LTBP1: variants seen among roughly 807,000 people sequenced by gnomAD.
LTBP1 encodes the protein latent transforming growth factor beta binding protein 1, also known as latent-transforming growth factor beta-binding protein 1.
A neutral mutation model predicts 207.6 loss-of-function variants in LTBP1; 129 were observed. The ratio of observed to expected loss-of-function variants is 0.62; its 90% CI spans 0.54 to 0.72. The LOEUF (loss-of-function observed/expected upper bound fraction) is 0.72. Ranked by LOEUF, LTBP1 falls within the 30% of genes least tolerant of loss-of-function variation. LTBP1 has a pLI of 0.00. For missense variants in LTBP1, 2,281 were observed against 2,217.2 expected, an observed-to-expected ratio of 1.03 and a Z score of -0.58; for synonymous variants, 963 against 833.7, an observed-to-expected ratio of 1.16 and a Z score of -2.67.
At chr2:33,056,474 G>T (rs890535603) in intron 3 of LTBP1, 2 of 852,364 alleles carry the variant, frequency 2.3e-6, no homozygotes, top group Admixed American at 5.0e-5. Context: ...CCAGCTGGAG[G>T]TGATGAGGGA....
chr2:33,231,477 T>A (rs1285110356), intron 9 of LTBP1, among the ~76,000 whole-genome samples: 1 of 152,168 alleles, frequency 6.6e-6, no homozygotes, highest in Non-Finnish European at 1.5e-5. Flanking sequence ...ACAGTCTTGA[T>A]CAATATTCTG....
At chr2:33,084,582 C>A (rs889276111) in intron 3 of LTBP1, among the ~76,000 whole-genome samples, 3 of 152,128 alleles carry the variant, frequency 2.0e-5, no homozygotes, top group African/African-American at 7.2e-5. Flanking sequence ...ACATACAAAG[C>A]AAGGTTACAT....
chr2:33,303,715 G>T (rs1240111628), intron 22 of LTBP1, among the ~76,000 whole-genome samples: 1 of 152,084 alleles, frequency 6.6e-6, no homozygotes, highest in Non-Finnish European at 1.5e-5. Flanking sequence ...TTCACAAGAG[G>T]GTTCGCCCTC....
At chr2:33,092,175 G>A (rs559131947) in intron 3 of LTBP1, among the ~76,000 whole-genome samples, 8 of 150,754 alleles carry the variant, frequency 5.3e-5, no homozygotes, top group African/African-American at 1.9e-4. Flanking sequence ...GTGCACGTGC[G>A]CATGCACACA....
chr2:32,949,755 T>G (rs569657953), intron 2 of LTBP1, among the ~76,000 whole-genome samples: 1 of 152,220 alleles, frequency 6.6e-6, no homozygotes, highest in Non-Finnish European at 1.5e-5. Context: ...CCATGTGGAT[T>G]GGAATTGTCC....
chr2:33,222,183 C>A, intron 9 of LTBP1, 32 bp downstream of exon 9: 1 of 1,518,402 alleles, frequency 6.6e-7, no homozygotes, highest in Non-Finnish European at 9.2e-7. Flanking sequence ...GATGTGGACT[C>A]AACAGTTGTT....
At chr2:33,359,778 C>G (rs1484668102) in intron 26 of LTBP1, among the ~76,000 whole-genome samples, 1 of 152,166 alleles carries the variant, frequency 6.6e-6, no homozygotes, top group African/African-American at 2.4e-5. Context: ...AAATAGTGAT[C>G]ATTTTTTAAA....
intron 4 of LTBP1, among the ~76,000 whole-genome samples, chr2:33,116,024 G>GTTA (rs1389571679): frequency 6.6e-6 from 1 of 152,116 alleles, no homozygotes; most frequent in East Asian, 1.9e-4. Context: ...TATCATCAGG[G>GTTA]TTATAAGACA....
chr2:32,947,923 T>G (rs1676489283), intron 1 of LTBP1, 105 bp downstream of exon 1: 15 of 1,026,358 alleles, frequency 1.5e-5, no homozygotes, highest in Non-Finnish European at 1.9e-5. Flanking sequence ...GCCAGGGCGG[T>G]CGCGCGCGGT....
chr2:33,101,797 C>T (rs538020888), intron 3 of LTBP1, among the ~76,000 whole-genome samples: 2 of 152,168 alleles, frequency 1.3e-5, no homozygotes, highest in East Asian at 1.9e-4. Flanking sequence ...TGTAGTAGCT[C>T]GTTTTTTGAG....
At chr2:33,288,232 A>G (rs2093702963) in intron 19 of LTBP1, among the ~76,000 whole-genome samples, 1 of 152,074 alleles carries the variant, frequency 6.6e-6, no homozygotes, top group South Asian at 2.1e-4. Flanking sequence ...ATTCTAGCCA[A>G]CCCCAAGCAG....
intron 22 of LTBP1, among the ~76,000 whole-genome samples, chr2:33,307,355 A>AGTCC (rs2094114935): frequency 6.6e-6 from 1 of 152,224 alleles, no homozygotes. Flanking sequence ...TAGAAACCTT[A>AGTCC]TTCACAATGG....
chr2:33,021,275 T>A lies in LTBP1; in HGVS notation c.863+69T>A, dbSNP rs1558524726. Reference sequence around the variant, plus strand: ...ACTCTCTTGGATGCCTTGCTTTAAATCACTGTCCCTTTCCTGCACAATTTG... The same window carrying A: ...ACTCTCTTGGATGCCTTGCTTTAAAACACTGTCCCTTTCCTGCACAATTTG... On this transcript the variant is annotated intron_variant, in intron 3 of 33. Coordinates refer to ENST00000404816, the MANE Select transcript of LTBP1 (RefSeq NM_206943.4). 6 of 1,395,956 alleles carry A rather than the reference T, an allele frequency of 4.3e-6. 1 individual carries two copies. Among genetic ancestry groups the A allele is most frequent in the Middle Eastern group, 1.9e-4 (1 of 5,378 alleles). The allele number at this position is 1,395,956 out of a possible 1,614,324, so 86.5% of individuals were successfully genotyped here. A position where few individuals can be genotyped will look rare whatever the true frequency, so the allele number is the denominator to read the frequency against.
chr2:33,017,721 A>G (rs747110171), intron 2 of LTBP1, among the ~76,000 whole-genome samples: 7 of 152,138 alleles, frequency 4.6e-5, no homozygotes, highest in Non-Finnish European at 8.8e-5. Flanking sequence ...GGTTCACGCC[A>G]TTCTTCTGCC....
chr2:33,245,517 CTT>C (rs2092481774), intron 10 of LTBP1, among the ~76,000 whole-genome samples: 1 of 152,128 alleles, frequency 6.6e-6, no homozygotes, highest in Non-Finnish European at 1.5e-5. Context: ...TTTCTGTGTT[CTT>C]TTACAAACAG....
At chr2:33,274,928 A>G (rs376317522) in intron 16 of LTBP1, 37 bp from the exon 17 acceptor site, 4 of 1,601,858 alleles carry the variant, frequency 2.5e-6, no homozygotes, top group Non-Finnish European at 3.4e-6. Flanking sequence ...TTCTTGCTAC[A>G]CAGAACTAAT....
At chr2:33,252,004 G>A (rs1311060011) in intron 10 of LTBP1, among the ~76,000 whole-genome samples, 1 of 152,328 alleles carries the variant, frequency 6.6e-6, no homozygotes, top group East Asian at 1.9e-4. Flanking sequence ...GAGGATTAAA[G>A]TTTAGGTATT....
intron 2 of LTBP1, among the ~76,000 whole-genome samples, chr2:33,013,614 G>A (rs1373017455): frequency 6.6e-6 from 1 of 151,902 alleles, no homozygotes; most frequent in African/African-American, 2.4e-5. Context: ...ACATGGCAGT[G>A]ATAAGATCAG....
At chr2:33,342,437 G>C (rs1305751617) in intron 24 of LTBP1, among the ~76,000 whole-genome samples, 1 of 152,164 alleles carries the variant, frequency 6.6e-6, no homozygotes, top group Non-Finnish European at 1.5e-5. Context: ...GTAACTATCA[G>C]ATGCAAATAC....
Sources: gnomAD v4.1 joint callset for allele counts (sites outside exome capture counted in the v4.1 genomes callset) on GRCh38, gnomAD v4.1.1 for gene constraint, MANE v1.5 for transcripts, NCBI Gene and HGNC (gene_info 2026-07-23, HGNC 2026-07-21) for gene names.